The following ALDH3B2 variants were observed in gnomAD, a reference collection of about 807,000 sequenced individuals.
ALDH3B2 encodes the protein aldehyde dehydrogenase 3 family member B2.
In ALDH3B2, 45 loss-of-function variants were observed where a neutral mutation model predicts 36.7. That is an observed-to-expected ratio of 1.23 (90% CI 0.97 to 1.57). The LOEUF (loss-of-function observed/expected upper bound fraction) is 1.57, where lower values mean the gene tolerates loss of function less well. Ranked by LOEUF, ALDH3B2 falls within the 40% of genes most tolerant of loss-of-function variation. ALDH3B2 has a pLI of 0.00. For missense variants in ALDH3B2, 464 were observed against 513.3 expected (o/e 0.90, Z 0.93); for synonymous variants, 217 against 226.5 (o/e 0.96, Z 0.38).
exon 6 of ALDH3B2, chr11:67,666,167 T>G (rs2134134177): frequency 6.2e-7 from 1 of 1,614,034 alleles, no homozygotes; most frequent in Middle Eastern, 1.6e-4. Flanking sequence ...AGCTGCCCTG[T>G]CTCCTGGGGT....
chr11:67,679,311 T>C (rs1349753527), upstream of ALDH3B2, among the ~76,000 whole-genome samples: 1 of 151,582 alleles, frequency 6.6e-6, no homozygotes, highest in Non-Finnish European at 1.5e-5. Context: ...CTACTAAAAA[T>C]ACAAAAAAAA....
chr11:67,668,445 C>T (rs554178454), intron 1 of ALDH3B2, among the ~76,000 whole-genome samples: 5 of 152,288 alleles, frequency 3.3e-5, no homozygotes, highest in African/African-American at 4.8e-5. Context: ...GGGGGACACT[C>T]AAGAGGATTG....
At chr11:67,665,001 G>T (rs1855856651) in intron 7 of ALDH3B2, among the ~76,000 whole-genome samples, 1 of 152,192 alleles carries the variant, frequency 6.6e-6, no homozygotes, top group Non-Finnish European at 1.5e-5. Context: ...GGCCTTTCAG[G>T]ACAGCCGGTG....
At chr11:67,665,291 A>G (rs1351877680) in exon 7 of ALDH3B2, 7 of 1,605,406 alleles carry the variant, frequency 4.4e-6, no homozygotes, top group Non-Finnish European at 6.0e-6. Flanking sequence ...TCACCGATGT[A>G]GCGATCGCTC....
At chr11:67,666,084 C>T in intron 6 of ALDH3B2, 38 bp downstream of exon 6, 8 of 1,608,848 alleles carry the variant, frequency 5.0e-6, no homozygotes, top group Non-Finnish European at 6.0e-6. Context: ...CTGATGATCC[C>T]CTCCACCTAC....
chr11:67,664,333 GA>G, intron 8 of ALDH3B2, 62 bp downstream of exon 8: 1 of 1,607,340 alleles, frequency 6.2e-7, no homozygotes. Flanking sequence ...GCTGTGAAAG[GA>G]AAGGTGCCAG....
chr11:67,665,041 G>A (rs1451671843), intron 7 of ALDH3B2, among the ~76,000 whole-genome samples: 2 of 152,182 alleles, frequency 1.3e-5, no homozygotes, highest in African/African-American at 2.4e-5. Flanking sequence ...TAGCACGCTG[G>A]GCCCTGGAGC....
intron 1 of ALDH3B2, among the ~76,000 whole-genome samples, chr11:67,672,408 C>T (rs866540735): frequency 2.6e-5 from 4 of 151,642 alleles, no homozygotes; most frequent in East Asian, 1.9e-4. Flanking sequence ...CTGCCTTGGC[C>T]TCCCAAAGTG....
At chr11:67,665,119 C>T (rs140282608) in intron 7 of ALDH3B2, among the ~76,000 whole-genome samples, 166 bp downstream of exon 7, 11 of 152,312 alleles carry the variant, frequency 7.2e-5, no homozygotes, top group African/African-American at 2.4e-4. Context: ...GCCACAGGCT[C>T]AGAAGCACAG....
chr11:67,668,183 C>T (rs527423220), intron 1 of ALDH3B2, among the ~76,000 whole-genome samples: 1 of 152,304 alleles, frequency 6.6e-6, no homozygotes, highest in Admixed American at 6.5e-5. Flanking sequence ...CATGCCCTAG[C>T]CCTGAGGAGG....
At chr11:67,662,552 AT>A in exon 10 of ALDH3B2, 1 of 152,992 alleles carries the variant, frequency 6.5e-6, no homozygotes, top group Non-Finnish European at 1.5e-5. Flanking sequence ...AAGTGACTCC[AT>A]TTTGGTTCCA....
exon 7 of ALDH3B2, chr11:67,665,357 G>T (rs149110344): frequency 6.2e-7 from 1 of 1,613,484 alleles, no homozygotes; most frequent in Non-Finnish European, 8.5e-7. Flanking sequence ...GCCCGCAGCC[G>T]CTGGAACTGT....
upstream of ALDH3B2, among the ~76,000 whole-genome samples, chr11:67,678,395 C>T (rs1269522598): frequency 1.3e-5 from 2 of 151,972 alleles, no homozygotes; most frequent in Non-Finnish European, 2.9e-5. Flanking sequence ...AACAAATGGT[C>T]CTGGGATAAT....
chr11:67,669,708 GTC>G (rs1856033209), intron 1 of ALDH3B2, among the ~76,000 whole-genome samples: 1 of 150,072 alleles, frequency 6.7e-6, no homozygotes, highest in African/African-American at 2.5e-5. Flanking sequence ...GTGTATGGGT[GTC>G]TGTGTGCGTA....
At chr11:67,664,604 G>C (rs771900571) in intron 7 of ALDH3B2, 42 bp from the exon 8 acceptor site, 5 of 1,606,642 alleles carry the variant, frequency 3.1e-6, no homozygotes, top group Non-Finnish European at 4.2e-6. Flanking sequence ...GCCACAGTCA[G>C]GACTGCCCCC....
intron 6 of ALDH3B2, among the ~76,000 whole-genome samples, chr11:67,665,907 C>T (rs1469625930): frequency 4.6e-5 from 7 of 152,148 alleles, no homozygotes; most frequent in Admixed American, 3.9e-4. Context: ...CGGTCTGGCT[C>T]ACCCACTGGG....
At chr11:67,670,292 G>A (rs971123490) in intron 1 of ALDH3B2, among the ~76,000 whole-genome samples, 3 of 150,572 alleles carry the variant, frequency 2.0e-5, no homozygotes, top group Non-Finnish European at 4.4e-5. Context: ...GTGTGTATGG[G>A]TGTCTGTATG....
rs1278965660 is a variant in ALDH3B2 at position 67,672,130 on chromosome 11, G to GTA, written c.-245+2306_-245+2307insTA. 8.6e-4 allele frequency among the ~76,000 whole-genome samples: 41 copies of GTA among 47,818 alleles called. 1 individual carries two copies. The highest frequency in any genetic ancestry group is 1.4e-3 in the African/African-American group (21 of 14,970). 31.4% of individuals were successfully genotyped at this position (47,818 alleles called of 152,430 possible). Reference sequence around the variant, plus strand: ...TGTGTGTGTGTGTGTGTGTGTGTGTGTGTGTATATATATATGTATTTTTTT... The same window carrying GTA: ...TGTGTGTGTGTGTGTGTGTGTGTGTGTATGTGTATATATATATGTATTTTTTT... On this transcript the variant is annotated intron_variant, in intron 1 of 9. Transcript: ENST00000349015.
chr11:67,668,207 T>C (rs570319961), intron 1 of ALDH3B2, among the ~76,000 whole-genome samples: 1 of 152,228 alleles, frequency 6.6e-6, no homozygotes, highest in South Asian at 2.1e-4. Flanking sequence ...TGGCACCTGC[T>C]CTGGGGAGGG....
Sources: allele counts gnomAD v4.1 joint callset (sites outside exome capture counted in the v4.1 genomes callset), GRCh38; gene constraint gnomAD v4.1.1; transcripts MANE v1.5; gene names NCBI Gene and HGNC (gene_info 2026-07-23, HGNC 2026-07-21).